GOLM2: variants seen among roughly 807,000 people sequenced by gnomAD.
The protein encoded by GOLM2 is golgi membrane protein 2.
Under a neutral mutation model 55.9 loss-of-function variants are expected in GOLM2, and 26 were observed. The ratio of observed to expected loss-of-function variants is 0.47; its 90% CI spans 0.34 to 0.65. The LOEUF (loss-of-function observed/expected upper bound fraction) is 0.65. Among genes scored for constraint, GOLM2 ranks in the 30% least tolerant of loss-of-function variants. The pLI, the probability that GOLM2 is intolerant of heterozygous loss-of-function variation, is 0.01. For synonymous variants in GOLM2, 165 were observed against 194.6 expected (o/e 0.85, Z 1.27); for missense variants, 486 against 531.8 (o/e 0.91, Z 0.85).
chr15:44,330,468 G>A (rs1481740994), intron 3 of GOLM2, among the ~76,000 whole-genome samples: 2 of 147,596 alleles, frequency 1.4e-5, no homozygotes, highest in South Asian at 2.1e-4. Flanking sequence ...AGCCGAGATC[G>A]CGCCATTGCA....
chr15:44,379,639 A>C, intron 6 of GOLM2, 51 bp from the exon 7 acceptor site: 1 of 257,356 alleles, frequency 3.9e-6, no homozygotes, highest in South Asian at 5.9e-5. Context: ...TTTTTTTTTT[A>C]GAAATCATAG....
At chr15:44,312,486 C>A (rs2078881011) in intron 1 of GOLM2, among the ~76,000 whole-genome samples, 1 of 152,108 alleles carries the variant, frequency 6.6e-6, no homozygotes, top group Non-Finnish European at 1.5e-5. Context: ...TCTGTCTTTC[C>A]TCTTTGTTAA....
chr15:44,364,410 C>T (rs1194084599), intron 6 of GOLM2, among the ~76,000 whole-genome samples: 1 of 151,888 alleles, frequency 6.6e-6, no homozygotes, highest in Non-Finnish European at 1.5e-5. Context: ...GTGGCTCACG[C>T]CTGTAATCCC....
intron 6 of GOLM2, among the ~76,000 whole-genome samples, chr15:44,365,083 A>G (rs563731897): frequency 6.6e-6 from 1 of 152,340 alleles, no homozygotes; most frequent in African/African-American, 2.4e-5. Flanking sequence ...AGTAGCCTGC[A>G]CATAAATGTT....
intron 6 of GOLM2, among the ~76,000 whole-genome samples, chr15:44,362,195 GC>G: frequency 6.6e-6 from 1 of 150,514 alleles, no homozygotes; most frequent in East Asian, 1.9e-4. Context: ...TCTGGCCAGG[GC>G]AATTAGGCAG....
At chr15:44,296,012 T>G (rs922924483) in intron 1 of GOLM2, among the ~76,000 whole-genome samples, 1 of 152,112 alleles carries the variant, frequency 6.6e-6, no homozygotes, top group Non-Finnish European at 1.5e-5. Context: ...GTACAGGGCA[T>G]GTCTCTTAAC....
chr15:44,373,490 T>A (rs1252801081), intron 6 of GOLM2, among the ~76,000 whole-genome samples: 1 of 149,142 alleles, frequency 6.7e-6, no homozygotes, highest in Non-Finnish European at 1.5e-5. Flanking sequence ...GCACAGTGGC[T>A]CGCACCTGTA....
intron 9 of GOLM2, among the ~76,000 whole-genome samples, chr15:44,408,789 G>A (rs945630763): frequency 5.3e-5 from 8 of 151,950 alleles, no homozygotes; most frequent in African/African-American, 1.2e-4. Flanking sequence ...GTGAAACCCC[G>A]TCTCTACTAA....
rs954664183 is a variant in GOLM2, at chr15:44,414,835, T to G, written c.*1429T>G. ...ATATTTGCTAGACTTACAAATTATT[T>G]TAAATGCATTTATCTTTTTTGACAC... On this transcript the variant is annotated 3_prime_UTR_variant, in exon 10 of 10. Coordinates refer to ENST00000299957, the MANE Select transcript of GOLM2 (RefSeq NM_138423.4). The G allele has an allele frequency of 7.2e-5, 11 of 152,638 alleles. No individual in the cohort carries two copies. Among genetic ancestry groups the G allele is most frequent in the African/African-American group, 2.7e-4 (11 of 41,460 alleles). The allele number at this position is 152,638 out of a possible 1,614,324, so 9.5% of individuals were successfully genotyped here.
chr15:44,312,711 C>T (rs2078882436), intron 1 of GOLM2, among the ~76,000 whole-genome samples: 1 of 152,088 alleles, frequency 6.6e-6, no homozygotes, highest in South Asian at 2.1e-4. Flanking sequence ...TTTGGGAGGC[C>T]AAAGCAGGCA....
At chr15:44,390,830 A>G (rs1786342723) in intron 8 of GOLM2, among the ~76,000 whole-genome samples, 1 of 152,040 alleles carries the variant, frequency 6.6e-6, no homozygotes, top group South Asian at 2.1e-4. Flanking sequence ...CAGCCTCCCA[A>G]AGTGCTGGGA....
chr15:44,387,712 G>C (rs1026727730), intron 8 of GOLM2, among the ~76,000 whole-genome samples: 19 of 150,984 alleles, frequency 1.3e-4, no homozygotes, highest in Admixed American at 1.1e-3. Flanking sequence ...AGTGAGCCAA[G>C]ATCGCGATAC....
chr15:44,293,634 C>T (rs1019288305), intron 1 of GOLM2, among the ~76,000 whole-genome samples: 1 of 152,082 alleles, frequency 6.6e-6, no homozygotes, highest in Non-Finnish European at 1.5e-5. Flanking sequence ...TGTGGGTTTT[C>T]GGACAAAGAC....
intron 6 of GOLM2, among the ~76,000 whole-genome samples, chr15:44,358,820 G>A (rs1281745617): frequency 4.6e-5 from 7 of 152,104 alleles, no homozygotes; most frequent in South Asian, 2.1e-4. Context: ...CCAAAGTAGC[G>A]ATCCATGAAA....
Position 44,289,765 on chromosome 15 carries a change from A to G in GOLM2, c.327+409A>G, listed in dbSNP as rs2078707188. ...CTGATCAATATTAATTTCGTTATTT[A>G]AAGAACGAAGCCGCCTCTGACTCCT... On this transcript the variant is annotated intron_variant, in intron 1 of 9. Transcript: ENST00000299957. This position sits in a 1 kb window ranked among gnomAD's most constrained non-coding sequence, Gnocchi z 4.8. 6.6e-6 allele frequency among the ~76,000 whole-genome samples: 1 copy of G among 152,204 alleles called. No homozygotes were observed. Among genetic ancestry groups the G allele is most frequent in the African/African-American group, 2.4e-5 (1 of 41,446 alleles).
intron 1 of GOLM2, among the ~76,000 whole-genome samples, chr15:44,319,238 G>A (rs940939045): frequency 1.3e-5 from 2 of 151,976 alleles, no homozygotes; most frequent in Non-Finnish European, 2.9e-5. Flanking sequence ...TTTTGAGATG[G>A]GGTCTTGCTC....
chr15:44,376,387 T>C (rs571397401), intron 6 of GOLM2, among the ~76,000 whole-genome samples: 30 of 152,256 alleles, frequency 2.0e-4, no homozygotes, highest in African/African-American at 7.0e-4. Context: ...CATCTCAGCC[T>C]CCTGAGTAGC....
intron 3 of GOLM2, among the ~76,000 whole-genome samples, chr15:44,330,209 A>G (rs1438895374): frequency 2.0e-5 from 2 of 100,430 alleles, no homozygotes; most frequent in Non-Finnish European, 1.9e-5. Context: ...TTGTCTCTTT[A>G]AAAAAAAAAA....
At chr15:44,391,359 T>A (rs2141203357) in intron 8 of GOLM2, among the ~76,000 whole-genome samples, 1 of 151,328 alleles carries the variant, frequency 6.6e-6, no homozygotes, top group East Asian at 2.0e-4. Flanking sequence ...CTAAAAAAAA[T>A]ACAAAAAATT....
Sources: allele counts gnomAD v4.1 joint callset (sites outside exome capture counted in the v4.1 genomes callset), GRCh38; gene constraint gnomAD v4.1.1; non-coding constraint Gnocchi (gnomAD v3.1); transcripts MANE v1.5; gene names NCBI Gene and HGNC (gene_info 2026-07-23, HGNC 2026-07-21).